Variants in C3 observed in about 807,000 individuals in gnomAD.
C3 encodes C3 and PZP-like alpha-2-macroglobulin domain-containing protein 1.
In C3, 97 loss-of-function variants were observed where a neutral mutation model predicts 207.9. The observed-to-expected ratio is 0.47, with a 90% CI of 0.40 to 0.55. The LOEUF (loss-of-function observed/expected upper bound fraction) is 0.55. Ranked by LOEUF, C3 falls within the 20% of genes least tolerant of loss-of-function variation. The pLI is 0.00. For synonymous variants in C3, 848 were observed against 857.6 expected (o/e 0.99, Z 0.20); for missense variants, 1,684 against 2,171.7 (o/e 0.78, Z 4.46).
chr19:6,694,674 G>T, intron 23 of C3, 40 bp from the exon 24 acceptor site: 1 of 1,589,450 alleles, frequency 6.3e-7, no homozygotes, highest in South Asian at 1.1e-5. Context: ...AAGCCAGGTG[G>T]GTGACCCACC....
At chr19:6,711,589 T>C (rs1164407607) in intron 11 of C3, among the ~76,000 whole-genome samples, 1 of 152,180 alleles carries the variant, frequency 6.6e-6, no homozygotes, top group South Asian at 2.1e-4. Context: ...GACCCATAAA[T>C]GTGTGTTGCT....
chr19:6,681,953 G>T lies in C3; in HGVS notation c.4338C>A (p.Ile1446=), dbSNP rs781520118. 1 of 1,613,680 alleles carries T rather than the reference G, an allele frequency of 6.2e-7. No individual in the cohort carries two copies. The highest frequency in any genetic ancestry group is 8.5e-7 in the Non-Finnish European group (1 of 1,179,618). The part of the protein sequence containing the change: ...KAFSDRNTLI[I]YLDKVSHSED... ...GATGCAGCCTTACCTTGTCCAGGTA[G>T]ATGATGAGGGTGTTCCTATCGGAGA... The change falls in exon 35 of 41, where the codon ATC becomes ATA. Residue 1446 remains isoleucine, a synonymous_variant. Coordinates refer to ENST00000245907, the MANE Select transcript of C3 (RefSeq NM_000064.4).
At position 6,693,073 on chromosome 19, in the gene C3, A is replaced by G; in HGVS notation, c.3241T>C (p.Tyr1081His). ...GCCAGAGAGAAGACCTTGACCACGT[A>G]GGCGGTCAGCCTGGAGTGGGCACAG... is the stretch of plus-strand genomic sequence containing the variant. ...KRAPSTWLTA[Y>H]VVKVFSLAVN... Residue 1081 changes from tyrosine to histidine, a missense_variant, in exon 26 of 41, where the codon TAC (tyrosine) becomes CAC (histidine). Around this residue, in one of 3 missense-constraint regions of C3, gnomAD observed 1,280 missense variants for 1,739.1 expected, o/e 0.74. Coordinates refer to ENST00000245907, the MANE Select transcript of C3 (RefSeq NM_000064.4). 6.2e-7 allele frequency: 1 copy of G among 1,614,056 alleles called. No individual in the cohort carries two copies. Among genetic ancestry groups the G allele is most frequent in the Non-Finnish European group, 8.5e-7 (1 of 1,180,002 alleles).
chr19:6,705,344 T>C (rs946679986), intron 17 of C3, among the ~76,000 whole-genome samples: 4 of 148,202 alleles, frequency 2.7e-5, no homozygotes, highest in African/African-American at 1.1e-4. Flanking sequence ...CTCTCTCTTT[T>C]TTTTTTTTTC....
chr19:6,683,446 A>ATTTTTTTTTTTTTTTTTTTTTTTT (rs770744810), intron 33 of C3: 18 of 93,428 alleles, frequency 1.9e-4, no homozygotes, highest in Non-Finnish European at 2.0e-4. Context: ...GTTTTATTCT[A>ATTTTTTTTTTTTTTTTTTTTTTTT]TTTTTTTTTT....
At position 6,689,336 on chromosome 19, in the gene C3, C is replaced by CTCTTCTT. The variant is rs1568213464; in HGVS notation, c.3489+1292_3489+1293insAAGAAGA. Among the ~76,000 whole-genome samples the CTCTTCTT allele has an allele frequency of 1.7e-4, 8 of 46,778 alleles. No individual in the cohort carries two copies. In the East Asian group the frequency reaches 2.2e-3, roughly 13 times the overall value. The allele number at this position is 46,778 out of a possible 152,430, so 30.7% of individuals were successfully genotyped here. A position where few individuals can be genotyped will look rare whatever the true frequency, so the allele number is the denominator to read the frequency against. On this transcript the variant is annotated intron_variant, in intron 27 of 40. Coordinates refer to ENST00000245907, the MANE Select transcript of C3 (RefSeq NM_000064.4). Reference sequence around the variant, plus strand: ...CTCTCTCTCTCTACCTACCTCCCTCCCTCCCTCCCTCCCTCCCTCCCTCCC... The same window carrying CTCTTCTT: ...CTCTCTCTCTCTACCTACCTCCCTCCTCTTCTTCTCCCTCCCTCCCTCCCTCCCTCCC...
chr19:6,686,517 A>G, intron 28 of C3: 1 of 718,360 alleles, frequency 1.4e-6, no homozygotes, highest in Non-Finnish European at 2.4e-6. Context: ...AAATGACGCA[A>G]CAAACTTTCT....
chr19:6,717,728 T>C (rs1968067485), intron 4 of C3: 3 of 359,718 alleles, frequency 8.3e-6, no homozygotes, highest in African/African-American at 6.6e-5. Flanking sequence ...TGTATTGTGT[T>C]GTGTGTGTTG....
Position 6,713,262 on chromosome 19 carries a change from C to T in C3, c.930G>A (p.Gly310=). The change falls in exon 9 of 41, where the codon GGG becomes GGA. Residue 310 remains glycine, a synonymous_variant. Transcript: ENST00000245907. ...GGTCTTCTGCTCGGGGGTTCTGCACCCCGTCCAGCAGTACCTTCCGGCTCA... is the reference window on the plus strand; with the variant it reads ...GGTCTTCTGCTCGGGGGTTCTGCACTCCGTCCAGCAGTACCTTCCGGCTCA... ...VVLSRKVLLD[G]VQNPRAEDLV... is the part of the protein sequence containing the mutation. 1 of 1,613,666 alleles carries T rather than the reference C, an allele frequency of 6.2e-7. No individual in the cohort carries two copies.
At chr19:6,715,063 C>G (rs1391163652) in intron 4 of C3, among the ~76,000 whole-genome samples, 1 of 152,106 alleles carries the variant, frequency 6.6e-6, no homozygotes, top group African/African-American at 2.4e-5. Flanking sequence ...TTCAGTGTCT[C>G]TCTGAATACT....
Position 6,677,774 on chromosome 19 carries a change from G to C in C3, c.*108C>G, listed in dbSNP as rs1398184554. On this transcript the variant is annotated 3_prime_UTR_variant, in exon 41 of 41. Coordinates refer to ENST00000245907, the MANE Select transcript of C3 (RefSeq NM_000064.4). Reference sequence around the variant, plus strand: ...GAGGTTTCAAGTAGGATGGAGCTGAGCTGCAGGTGAGGCGGCTGGGGATTT... The same window carrying C: ...GAGGTTTCAAGTAGGATGGAGCTGACCTGCAGGTGAGGCGGCTGGGGATTT... 1 of 1,366,392 alleles carries C rather than the reference G, an allele frequency of 7.3e-7. No individual in the cohort carries two copies. The highest frequency in any genetic ancestry group is 1.4e-5 in the African/African-American group (1 of 70,300). 84.6% of individuals were successfully genotyped at this position (1,366,392 alleles called of 1,614,324 possible).
In C3 at chr19:6,720,279, A is replaced by T. The variant is rs11569398; in HGVS notation, c.74+237T>A. ...CACCCAACCACAAACACCCAAACTC[A>T]CAGGCAGCCCAAATGTATATAAACT... On this transcript the variant is annotated intron_variant, in intron 1 of 40. Coordinates refer to ENST00000245907, the MANE Select transcript of C3 (RefSeq NM_000064.4). 2.0e-3 allele frequency among the ~76,000 whole-genome samples: 288 copies of T among 147,048 alleles called. 1 individual carries two copies. The highest frequency in any genetic ancestry group is 7.4e-3 in the African/African-American group (277 of 37,214).
chr19:6,714,472 G>A (rs768395011), intron 4 of C3, 26 bp from the exon 5 acceptor site: 31 of 1,565,816 alleles, frequency 2.0e-5, no homozygotes, highest in Non-Finnish European at 2.5e-5. Context: ...GGGAAGGATA[G>A]AGGATAAAGT....
intron 33 of C3, chr19:6,682,487 C>G: frequency 2.2e-6 from 1 of 463,336 alleles, no homozygotes; most frequent in East Asian, 4.3e-5. Context: ...ACATTGGATG[C>G]ATTATTTGAC....
chr19:6,692,792 C>T (rs1918198694), intron 26 of C3, 132 bp downstream of exon 26: 4 of 1,154,560 alleles, frequency 3.5e-6, no homozygotes. Flanking sequence ...TCTGCCTGCC[C>T]CCACCCCCCA....
At chr19:6,697,609 C>T (rs1967568188) in intron 20 of C3, 43 bp downstream of exon 20, 2 of 1,613,554 alleles carry the variant, frequency 1.2e-6, no homozygotes. Context: ...GGCTACCTAC[C>T]CCCTGGCAGC....
rs571349755 is a variant in C3, at chr19:6,696,915, G to A, written c.2797-256C>T. Among the ~76,000 whole-genome samples, 30 of 151,348 alleles carry A rather than the reference G, an allele frequency of 2.0e-4. No individual in the cohort carries two copies. In the South Asian group the frequency reaches 4.6e-3, roughly 23 times the overall value. On this transcript the variant is annotated intron_variant, in intron 21 of 40. Transcript: ENST00000245907. Reference sequence around the variant, plus strand: ...AAATTAGCCGGGCGTGGTGGCTGGCGCCTGTAGTCCCAGCTACTCGGGAGG... The same window carrying A: ...AAATTAGCCGGGCGTGGTGGCTGGCACCTGTAGTCCCAGCTACTCGGGAGG...
intron 15 of C3, 80 bp downstream of exon 15, chr19:6,707,720 G>C (rs879808286): frequency 5.0e-6 from 8 of 1,596,654 alleles, no homozygotes; most frequent in Non-Finnish European, 6.8e-6. Context: ...CCAGGCCCCC[G>C]GTTTCCAGAG....
chr19:6,683,459 T>TG (rs1917917481), intron 33 of C3: 1 of 138,310 alleles, frequency 7.2e-6, no homozygotes, highest in African/African-American at 2.7e-5. Flanking sequence ...TTTTTTTTTT[T>TG]TTTTTTTTTG....
Sources: gnomAD v4.1 joint callset for allele counts (sites outside exome capture counted in the v4.1 genomes callset) on GRCh38, gnomAD v4.1.1 for gene constraint, gnomAD v4.1.1 regional missense constraint, MANE v1.5 for transcripts, NCBI Gene and HGNC (gene_info 2026-07-23, HGNC 2026-07-21) for gene names.